Variants in EVL observed in about 807,000 individuals in gnomAD.
EVL encodes ena/VASP-like protein.
Under a neutral mutation model 59.6 loss-of-function variants are expected in EVL, and 21 were observed. That is an observed-to-expected ratio of 0.35 (90% CI 0.25 to 0.51). The LOEUF is 0.51. Ranked by LOEUF, EVL falls within the 20% of genes least tolerant of loss-of-function variation. The pLI is 0.97. For missense variants in EVL, 462 were observed against 546.6 expected (o/e 0.85, Z 1.54); for synonymous variants, 198 against 203.5 (o/e 0.97, Z 0.23).
chr14:100,141,002 G>T, intron 11 of EVL, 178 bp from the exon 12 acceptor site: 1 of 567,142 alleles, frequency 1.8e-6, no homozygotes. Context: ...GAGACCTCTT[G>T]AGGTGGAGAC....
chr14:100,016,573 T>C (rs995700583), intron 1 of EVL, among the ~76,000 whole-genome samples: 3 of 152,142 alleles, frequency 2.0e-5, no homozygotes, highest in Non-Finnish European at 4.4e-5. Context: ...CGAGACTCCG[T>C]CTCTAAAACA....
chr14:100,064,852 G>T (rs890891607), upstream of EVL, among the ~76,000 whole-genome samples: 8 of 152,222 alleles, frequency 5.3e-5, no homozygotes, highest in African/African-American at 1.4e-4. Context: ...TGTGGTGGCG[G>T]TGAGCCAAGA....
chr14:100,053,145 G>C (rs2061672803), intron 1 of EVL, among the ~76,000 whole-genome samples: 1 of 152,100 alleles, frequency 6.6e-6, no homozygotes, highest in South Asian at 2.1e-4. Context: ...TCACATTGAG[G>C]GTTAGGGCTT....
intron 1 of EVL, among the ~76,000 whole-genome samples, chr14:99,998,183 C>G (rs935931569): frequency 6.6e-6 from 1 of 152,062 alleles, no homozygotes; most frequent in Non-Finnish European, 1.5e-5. Flanking sequence ...CTATGCCTAG[C>G]TAATTTTTTT....
At chr14:100,054,493 A>G (rs925138628) in intron 1 of EVL, among the ~76,000 whole-genome samples, 5 of 151,910 alleles carry the variant, frequency 3.3e-5, no homozygotes, top group Admixed American at 3.3e-4. Flanking sequence ...CTGAGTCCAT[A>G]CCCCAGCCAC....
chr14:100,143,849 C>T lies in EVL; in HGVS notation c.*111C>T, dbSNP rs543778777. The T allele has an allele frequency of 6.6e-5, 88 of 1,333,318 alleles. No homozygotes were observed. In the African/African-American group the frequency reaches 8.8e-4, roughly 13 times the overall value. The allele number at this position is 1,333,318 out of a possible 1,614,324, so 82.6% of individuals were successfully genotyped here. A position where few individuals can be genotyped will look rare whatever the true frequency, so the allele number is the denominator to read the frequency against. On this transcript the variant is annotated 3_prime_UTR_variant, in exon 14 of 14. Coordinates refer to ENST00000392920, the MANE Select transcript of EVL (RefSeq NM_016337.3). ...ACCAGAGCACGCACAGGAGCCTGGG[C>T]GCGCTGCTGTGAAACGTCCTGACCT...
At chr14:100,052,167 C>G (rs1328452367) in intron 1 of EVL, among the ~76,000 whole-genome samples, 2 of 152,166 alleles carry the variant, frequency 1.3e-5, no homozygotes, top group Non-Finnish European at 2.9e-5. Context: ...AAGTGCTATG[C>G]TTTCACTGTG....
Sources: gnomAD v4.1 joint callset for allele counts (sites outside exome capture counted in the v4.1 genomes callset) on GRCh38, gnomAD v4.1.1 for gene constraint, MANE v1.5 for transcripts, NCBI Gene and HGNC (gene_info 2026-07-23, HGNC 2026-07-21) for gene names.